The following RFX6 variants were observed in gnomAD, a reference collection of about 807,000 sequenced individuals.
RFX6 encodes regulatory factor X6.
In RFX6, 50 loss-of-function variants were observed where a neutral mutation model predicts 110.8. The ratio of observed to expected loss-of-function variants is 0.45; its 90% CI spans 0.36 to 0.57. The LOEUF is 0.57. Among genes scored for constraint, RFX6 ranks in the 20% least tolerant of loss-of-function variants. RFX6 has a pLI of 0.00. For synonymous variants in RFX6, 383 were observed against 411.2 expected, an observed-to-expected ratio of 0.93 and a Z score of 0.83; for missense variants, 990 against 1,127.0, an observed-to-expected ratio of 0.88 and a Z score of 1.74.
At chr6:116,917,683 T>C (rs1311094514) in intron 9 of RFX6, among the ~76,000 whole-genome samples, 1 of 152,118 alleles carries the variant, frequency 6.6e-6, no homozygotes, top group Non-Finnish European at 1.5e-5. Context: ...AGAGGCACAG[T>C]GAGCTCTGTA....
chr6:116,930,003 A>G (rs542394500), intron 18 of RFX6, among the ~76,000 whole-genome samples: 57 of 152,336 alleles, frequency 3.7e-4, no homozygotes, highest in African/African-American at 1.4e-3. Flanking sequence ...TACTCTAATG[A>G]AGCAGAAAAT....
chr6:116,911,011 T>C lies in RFX6; in HGVS notation c.749T>C (p.Leu250Pro), dbSNP rs1410860319. Residue 250 changes from leucine (L) to proline (P), a missense_variant, in exon 7 of 19, where the codon CTT (leucine) becomes CCT (proline). This residue lies in a region of RFX6 where 243 missense variants were observed against 353.1 expected (regional missense o/e 0.69). Coordinates refer to ENST00000332958, the MANE Select transcript of RFX6 (RefSeq NM_173560.4). ...LLPEFPSAQHLVYQGCISKDK... is the reference protein window; with the variant it reads ...LLPEFPSAQHPVYQGCISKDK... Reference sequence around the variant, plus strand: ...CCAGAATTCCCCAGCGCTCAACACCTTGTATACCAAGGATGCATTTCTAAG... The same window carrying C: ...CCAGAATTCCCCAGCGCTCAACACCCTGTATACCAAGGATGCATTTCTAAG... The C allele has an allele frequency of 1.2e-6, 2 of 1,612,470 alleles. No homozygotes were observed. The highest frequency in any genetic ancestry group is 2.7e-5 in the African/African-American group (2 of 74,888).
At chr6:116,881,843 G>T (rs2114661613) in intron 3 of RFX6, among the ~76,000 whole-genome samples, 1 of 152,176 alleles carries the variant, frequency 6.6e-6, no homozygotes, top group South Asian at 2.1e-4. Context: ...AAAGATTGAG[G>T]TTAAAATTGT....
At chr6:116,914,902 T>C (rs1311442276) in intron 7 of RFX6, among the ~76,000 whole-genome samples, 1 of 152,214 alleles carries the variant, frequency 6.6e-6, no homozygotes, top group African/African-American at 2.4e-5. Flanking sequence ...TATTATCATG[T>C]CAATTTTAGA....
chr6:116,895,711 C>A (rs1174875653), intron 6 of RFX6, among the ~76,000 whole-genome samples: 1 of 151,760 alleles, frequency 6.6e-6, no homozygotes, highest in Non-Finnish European at 1.5e-5. Context: ...TTCCTCTCCA[C>A]CCCCTCCTTC....
chr6:116,911,125 A>G (rs982547942), intron 7 of RFX6, 83 bp downstream of exon 7: 19 of 962,332 alleles, frequency 2.0e-5, no homozygotes, highest in Non-Finnish European at 2.7e-5. Flanking sequence ...ATGGTACTGC[A>G]GGAAGCAATC....
At chr6:116,910,691 T>C (rs976232291) in intron 6 of RFX6, among the ~76,000 whole-genome samples, 9 of 152,196 alleles carry the variant, frequency 5.9e-5, no homozygotes, top group African/African-American at 2.2e-4. Flanking sequence ...TATTCAAAAC[T>C]AAAATTTGAA....
At chr6:116,885,462 G>T (rs2114665138) in intron 4 of RFX6, among the ~76,000 whole-genome samples, 1 of 152,202 alleles carries the variant, frequency 6.6e-6, no homozygotes, top group East Asian at 1.9e-4. Flanking sequence ...TCTAATCCTT[G>T]CAATAATGAT....
In RFX6 at chr6:116,882,378, G is replaced by T. The variant is rs1774607728; in HGVS notation, c.516G>T (p.Gln172His). 1.9e-6 allele frequency: 3 copies of T among 1,612,574 alleles called. No homozygotes were observed. The African/African-American group carries it at 4.0e-5, about 22-fold the overall frequency. Residue 172 changes from glutamine (Q) to histidine (H), a missense_variant, in exon 4 of 19, where the codon CAG (glutamine) becomes CAT (histidine). Physicochemically the swap from Gln to His is conservative, Grantham distance 24. This residue lies in a region of RFX6 where 243 missense variants were observed against 353.1 expected (regional missense o/e 0.69). Coordinates refer to ENST00000332958, the MANE Select transcript of RFX6 (RefSeq NM_173560.4). ...ATCTTTCTTTTTAGACAATTCGCCA[G>T]AAGTTTCCCCTCCTAACAACAAGGC... ...CAATFGKTIR[Q>H]KFPLLTTRRL...
intron 7 of RFX6, among the ~76,000 whole-genome samples, chr6:116,914,006 C>T (rs981307293): frequency 1.3e-5 from 2 of 152,186 alleles, no homozygotes; most frequent in African/African-American, 4.8e-5. Context: ...CCCTACAGAT[C>T]TATCCAACAC....
chr6:116,915,321 G>C (rs1156877291), intron 7 of RFX6, among the ~76,000 whole-genome samples: 1 of 152,018 alleles, frequency 6.6e-6, no homozygotes, highest in African/African-American at 2.4e-5. Context: ...ACTAACTCTG[G>C]ATAATGTTTA....
intron 4 of RFX6, among the ~76,000 whole-genome samples, chr6:116,889,129 CA>C (rs1774764773): frequency 6.6e-6 from 1 of 152,078 alleles, no homozygotes; most frequent in African/African-American, 2.4e-5. Context: ...GTCTTTCCAC[CA>C]AAGTACACCA....
chr6:116,915,843 T>G (rs1421197322), intron 7 of RFX6, among the ~76,000 whole-genome samples, 165 bp from the exon 8 acceptor site: 3 of 152,140 alleles, frequency 2.0e-5, no homozygotes, highest in Non-Finnish European at 4.4e-5. Context: ...CACAAGGCAG[T>G]AAGATCCTTG....
At chr6:116,878,098 T>C (rs1370643045) in intron 2 of RFX6, 146 bp downstream of exon 2, 4 of 838,820 alleles carry the variant, frequency 4.8e-6, no homozygotes, top group Non-Finnish European at 7.7e-6. Context: ...CCCAGAATTT[T>C]TTTCACTGAA....
chr6:116,912,011 G>A (rs1437172875), intron 7 of RFX6, among the ~76,000 whole-genome samples: 2 of 152,140 alleles, frequency 1.3e-5, no homozygotes, highest in African/African-American at 4.8e-5. Flanking sequence ...TCTTTAGAAA[G>A]AATGAAAACA....
chr6:116,930,683 C>G (rs1421950788), intron 18 of RFX6, among the ~76,000 whole-genome samples: 1 of 151,788 alleles, frequency 6.6e-6, no homozygotes, highest in East Asian at 1.9e-4. Flanking sequence ...GAGTTCCAGG[C>G]AGAAGAAACA....
Position 116,918,047 on chromosome 6 carries a change from A to G in RFX6, c.983A>G (p.Asp328Gly). The G allele has an allele frequency of 6.2e-7, 1 of 1,606,550 alleles. No homozygotes were observed. Among genetic ancestry groups the G allele is most frequent in the Non-Finnish European group, 8.5e-7 (1 of 1,174,150 alleles). ...CDSILYKVLT[D>G]VLIPATMQEM... ...TTTGCTATGATTAAGGTTCTTACAG[A>G]TGTACTCATTCCTGCAACAATGCAA... The change falls in exon 10 of 19, where the codon GAT becomes GGT. Residue 328 changes from aspartate to glycine, a missense_variant. Asp to Gly is a moderately conservative substitution (Grantham distance 94). This residue lies in a region of RFX6 where 243 missense variants were observed against 353.1 expected (regional missense o/e 0.69). Coordinates refer to ENST00000332958, the MANE Select transcript of RFX6 (RefSeq NM_173560.4).
In RFX6 at chr6:116,924,742, C is replaced by A; in HGVS notation, c.1629C>A (p.Asp543Glu). The A allele has an allele frequency of 6.3e-7, 1 of 1,595,578 alleles. No individual in the cohort carries two copies. Among genetic ancestry groups the A allele is most frequent in the Non-Finnish European group, 8.6e-7 (1 of 1,163,160 alleles). ...CCATGGAGACCCAGTTTAATAATGA[C>A]AAAGAGCAGGAGTTACAGAATTTAT... ...LLAMETQFNN[D>E]KEQELQNLLD... The change falls in exon 15 of 19, where the codon GAC (aspartate) becomes GAA (glutamate). Residue 543 changes from aspartate (D) to glutamate (E), a missense_variant. Transcript: ENST00000332958.
At chr6:116,916,582 CTT>C (rs1434539892) in intron 9 of RFX6, among the ~76,000 whole-genome samples, 1 of 152,054 alleles carries the variant, frequency 6.6e-6, no homozygotes, top group Non-Finnish European at 1.5e-5. Flanking sequence ...TATGTGAAAA[CTT>C]AGTTAAATTT....
Sources: allele counts gnomAD v4.1 joint callset (sites outside exome capture counted in the v4.1 genomes callset), GRCh38; gene constraint gnomAD v4.1.1; regional missense constraint gnomAD v4.1.1; transcripts MANE v1.5; gene names NCBI Gene and HGNC (gene_info 2026-07-23, HGNC 2026-07-21).